ELAVL2: variants seen among roughly 807,000 people sequenced by gnomAD.
The protein encoded by ELAVL2 is ELAV like RNA binding protein 2.
ELAVL2 carries 4 observed loss-of-function variants against 34.6 expected under a neutral mutation model. The observed-to-expected ratio is 0.12, with a 90% CI of 0.06 to 0.26. ELAVL2 has a LOEUF of 0.26. ELAVL2 is among the 10% of genes least tolerant of loss of function. The probability of loss-of-function intolerance (pLI) is 1.00; values close to 1 mark genes in which losing one functional copy is unlikely to be tolerated. For synonymous variants in ELAVL2, 193 were observed against 154.8 expected, an observed-to-expected ratio of 1.25 and a Z score of -1.83; for missense variants, 432 against 442.8, an observed-to-expected ratio of 0.98 and a Z score of 0.22.
At chr9:23,794,440 C>T (rs1212694877) in intron 1 of ELAVL2, among the ~76,000 whole-genome samples, 1 of 152,192 alleles carries the variant, frequency 6.6e-6, no homozygotes, top group Non-Finnish European at 1.5e-5. Flanking sequence ...GCAAGCTGTC[C>T]TGCCAGAGTT....
chr9:23,696,869 G>A (rs1046544652), intron 5 of ELAVL2, among the ~76,000 whole-genome samples: 1 of 151,816 alleles, frequency 6.6e-6, no homozygotes, highest in Non-Finnish European at 1.5e-5. Flanking sequence ...GGATGATAAC[G>A]TAGTACATAT....
At chr9:23,721,805 C>T (rs2043805030) in intron 3 of ELAVL2, among the ~76,000 whole-genome samples, 1 of 152,162 alleles carries the variant, frequency 6.6e-6, no homozygotes, top group Non-Finnish European at 1.5e-5. Context: ...TTCTCTTAAC[C>T]TTTTCTTTTC....
At chr9:23,836,173 T>C in the ELAVL2 span, among the ~76,000 whole-genome samples, 1 of 152,206 alleles carries the variant, frequency 6.6e-6, no homozygotes, top group Non-Finnish European at 1.5e-5. Context: ...ATAGAAATAA[T>C]ATTTTATACC....
intron 3 of ELAVL2, among the ~76,000 whole-genome samples, chr9:23,726,524 G>C (rs1248400682): frequency 6.6e-6 from 1 of 151,932 alleles, no homozygotes; most frequent in Non-Finnish European, 1.5e-5. Flanking sequence ...TGAGATAACA[G>C]CTCCTTCTTT....
chr9:23,817,988 A>T lies in ELAVL2; in HGVS notation c.-16+7818T>A, dbSNP rs571693387. On this transcript the variant is annotated intron_variant, in intron 1 of 6. Coordinates refer to ENST00000397312, the MANE Select transcript of ELAVL2 (RefSeq NM_004432.5). ...ATGTGAAATCCTTAAATAATTAACT[A>T]GCACTATAAACCGTCTAGTATCTCG... Among the ~76,000 whole-genome samples the T allele has an allele frequency of 7.9e-5, 12 of 152,356 alleles. No homozygotes were observed. The South Asian group carries it at 2.5e-3, about 32-fold the overall frequency.
At chr9:23,692,934 G>A (rs964657922) in intron 6 of ELAVL2, 50 bp from the exon 7 acceptor site, 23 of 1,557,694 alleles carry the variant, frequency 1.5e-5, no homozygotes, top group Non-Finnish European at 1.8e-5. Flanking sequence ...AATAAAAACA[G>A]AGGTTGGTTA....
chr9:23,784,549 A>T (rs80117924), intron 1 of ELAVL2, among the ~76,000 whole-genome samples: 4 of 152,268 alleles, frequency 2.6e-5, no homozygotes, highest in African/African-American at 9.6e-5. Flanking sequence ...TACCCTGAGG[A>T]ATGTCATCCT....
chr9:23,788,474 T>C (rs186465487), intron 1 of ELAVL2, among the ~76,000 whole-genome samples: 1 of 152,326 alleles, frequency 6.6e-6, no homozygotes. Context: ...TGTTTTTTCC[T>C]ACACATACCT....
intron 1 of ELAVL2, among the ~76,000 whole-genome samples, chr9:23,816,857 G>C (rs1333747567): frequency 6.6e-6 from 1 of 152,080 alleles, no homozygotes. Context: ...GCTAGACTAA[G>C]CTCTGATATT....
chr9:23,839,390 A>G, the ELAVL2 span, among the ~76,000 whole-genome samples: 1 of 152,152 alleles, frequency 6.6e-6, no homozygotes, highest in Non-Finnish European at 1.5e-5. Context: ...TAAACCAAAC[A>G]TGACTGCGGC....
intron 1 of ELAVL2, among the ~76,000 whole-genome samples, chr9:23,795,450 G>A (rs922991999): frequency 3.9e-5 from 6 of 152,168 alleles, no homozygotes; most frequent in South Asian, 4.1e-4. Flanking sequence ...GGCTGTGACA[G>A]GAGAATCGCT....
chr9:23,717,517 A>G (rs962549559), intron 3 of ELAVL2, among the ~76,000 whole-genome samples: 6 of 152,314 alleles, frequency 3.9e-5, no homozygotes, highest in Middle Eastern at 3.4e-3. Context: ...GTTCAGATGT[A>G]AGCTTCTCCT....
Position 23,821,827 on chromosome 9 carries a change from G to GCGC in ELAVL2, c.-16+3976_-16+3978dup, listed in dbSNP as rs1292176983. On this transcript the variant is annotated intron_variant, in intron 1 of 6. Transcript: ENST00000397312. ...CGGCTACTGCCTCAGTGACGCCCAG[G>GCGC]CGCCGCGGTCCCGCCGTTTGTAGCG... is the stretch of plus-strand genomic sequence containing the variant. 1.1e-4 allele frequency: 17 copies of GCGC among 151,616 alleles called. No homozygotes were observed. In the East Asian group the frequency reaches 3.1e-3, roughly 28 times the overall value. The allele number at this position is 151,616 out of a possible 1,614,324, so 9.4% of individuals were successfully genotyped here. A position where few individuals can be genotyped will look rare whatever the true frequency, so the allele number is the denominator to read the frequency against.
At chr9:23,833,149 C>T in the ELAVL2 span, among the ~76,000 whole-genome samples, 1 of 151,676 alleles carries the variant, frequency 6.6e-6, no homozygotes. Context: ...GTTATGTAAG[C>T]TAACTTTTCC....
At chr9:23,844,156 G>C in the ELAVL2 span, among the ~76,000 whole-genome samples, 1 of 151,934 alleles carries the variant, frequency 6.6e-6, no homozygotes, top group African/African-American at 2.4e-5. Flanking sequence ...GCATATTAGC[G>C]ATAGCTTCCT....
intron 2 of ELAVL2, among the ~76,000 whole-genome samples, chr9:23,735,018 G>A (rs1191755319): frequency 1.4e-5 from 2 of 138,600 alleles, no homozygotes; most frequent in Non-Finnish European, 1.5e-5. Flanking sequence ...TTTATAAGAT[G>A]CTACATTTAA....
intron 3 of ELAVL2, among the ~76,000 whole-genome samples, chr9:23,711,283 A>T (rs1052633888): frequency 1.3e-5 from 2 of 152,178 alleles, no homozygotes; most frequent in African/African-American, 4.8e-5. Context: ...TACACACAGA[A>T]CCTTAAATTT....
chr9:23,741,585 C>T (rs2049197736), intron 2 of ELAVL2, among the ~76,000 whole-genome samples: 1 of 152,098 alleles, frequency 6.6e-6, no homozygotes, highest in African/African-American at 2.4e-5. Context: ...CTTAAGAAAT[C>T]CCACAGGCTA....
At chr9:23,732,876 T>C (rs565530381) in intron 2 of ELAVL2, among the ~76,000 whole-genome samples, 169 of 152,246 alleles carry the variant, frequency 1.1e-3, no homozygotes, top group African/African-American at 4.0e-3. Context: ...ATGATGAAAG[T>C]GGATCGTCAC....
Sources: allele counts gnomAD v4.1 joint callset (sites outside exome capture counted in the v4.1 genomes callset), GRCh38; gene constraint gnomAD v4.1.1; transcripts MANE v1.5; gene names NCBI Gene and HGNC (gene_info 2026-07-23, HGNC 2026-07-21).